Variants in NALF1 observed in about 807,000 individuals in gnomAD.
NALF1 encodes family with sequence similarity 155 member A.
In NALF1, 3 loss-of-function variants were observed where a neutral mutation model predicts 48.4. The ratio of observed to expected loss-of-function variants is 0.06; its 90% CI spans 0.03 to 0.16. NALF1 has a LOEUF of 0.16. Among genes scored for constraint, NALF1 ranks in the 10% least tolerant of loss-of-function variants. The pLI is 1.00. For missense variants in NALF1, 526 were observed against 571.5 expected (o/e 0.92, Z 0.81); for synonymous variants, 262 against 245.7 (o/e 1.07, Z -0.62).
intron 1 of NALF1, among the ~76,000 whole-genome samples, chr13:107,353,006 G>A (rs1411439690): frequency 6.6e-6 from 1 of 152,002 alleles, no homozygotes; most frequent in East Asian, 1.9e-4. Flanking sequence ...GAGACTTCCT[G>A]GGGAACTTAC....
At chr13:107,521,940 CAT>C (rs1190738257) in intron 1 of NALF1, among the ~76,000 whole-genome samples, 138 of 148,800 alleles carry the variant, frequency 9.3e-4, no homozygotes, top group Non-Finnish European at 1.6e-3. Flanking sequence ...CACACACACA[CAT>C]ACACACACAC....
At chr13:107,262,769 G>GCGCGCTCTCT (rs36027059) in intron 1 of NALF1, among the ~76,000 whole-genome samples, 2 of 144,036 alleles carry the variant, frequency 1.4e-5, no homozygotes, top group Admixed American at 7.0e-5. Context: ...ACCCACAGGC[G>GCGCGCTCTCT]CTCTCTCTCT....
rs1885203262 is a variant in NALF1 at position 107,478,240 on chromosome 13, C to A, written c.916-267485G>T. 1.3e-5 allele frequency among the ~76,000 whole-genome samples: 2 copies of A among 152,244 alleles called. 1 individual carries two copies. On this transcript the variant is annotated intron_variant, in intron 1 of 2. Coordinates refer to ENST00000375915, the MANE Select transcript of NALF1 (RefSeq NM_001080396.3). ...CTCATTTTCTCACATAAGAAATGTG[C>A]ATTTTTGATGTGAACAGAGTATTTG...
intron 1 of NALF1, among the ~76,000 whole-genome samples, chr13:107,408,685 C>T (rs566885057): frequency 6.6e-6 from 1 of 152,210 alleles, no homozygotes; most frequent in South Asian, 2.1e-4. Context: ...AAGTCATGAT[C>T]AGATTGGCTT....
chr13:107,350,455 C>T (rs576537472), intron 1 of NALF1, among the ~76,000 whole-genome samples: 3 of 152,164 alleles, frequency 2.0e-5, no homozygotes, highest in African/African-American at 7.2e-5. Context: ...GCAATAAACC[C>T]GTTGCTAGTC....
intron 1 of NALF1, among the ~76,000 whole-genome samples, chr13:107,552,493 G>A (rs1432560063): frequency 6.6e-6 from 1 of 152,054 alleles, no homozygotes; most frequent in African/African-American, 2.4e-5. Context: ...GATTTTAAAT[G>A]TTACTCCAAA....
intron 1 of NALF1, among the ~76,000 whole-genome samples, chr13:107,818,535 G>T (rs1879243761): frequency 6.6e-6 from 1 of 152,166 alleles, no homozygotes; most frequent in South Asian, 2.1e-4. Flanking sequence ...TTGTAGAGTT[G>T]GAGTTGCCTG....
intron 1 of NALF1, among the ~76,000 whole-genome samples, chr13:107,616,761 A>C (rs1173102233): frequency 1.3e-5 from 2 of 152,164 alleles, no homozygotes; most frequent in African/African-American, 2.4e-5. Context: ...GTCAGTCCCC[A>C]TGCAGCCCAG....
chr13:107,483,026 T>C (rs986167639), intron 1 of NALF1, among the ~76,000 whole-genome samples: 25 of 152,116 alleles, frequency 1.6e-4, no homozygotes, highest in Non-Finnish European at 3.1e-4. Context: ...TTAGGGGTGT[T>C]GGAGTTTTAC....
At position 107,366,260 on chromosome 13, in the gene NALF1, C is replaced by CA. The variant is rs376797228; in HGVS notation, c.916-155506dup. On this transcript the variant is annotated intron_variant, in intron 1 of 2. Transcript: ENST00000375915. ...TGCGTACTATGCCATAATCTTAATA[C>CA]AAAAAAAATAGGTTATGCATTGAGA... is the stretch of plus-strand genomic sequence containing the variant. Among the ~76,000 whole-genome samples, 36 of 151,624 alleles carry CA rather than the reference C, an allele frequency of 2.4e-4. No individual in the cohort carries two copies. The East Asian group carries it at 4.1e-3, about 17-fold the overall frequency.
chr13:107,757,303 G>A (rs926710293), intron 1 of NALF1, among the ~76,000 whole-genome samples: 1 of 152,134 alleles, frequency 6.6e-6, no homozygotes, highest in Non-Finnish European at 1.5e-5. Flanking sequence ...CGGAGAGGGG[G>A]AGATTTGTGG....
At chr13:107,862,597 T>C (rs967708349) in intron 1 of NALF1, among the ~76,000 whole-genome samples, 7 of 152,030 alleles carry the variant, frequency 4.6e-5, no homozygotes, top group African/African-American at 1.7e-4. Context: ...AATGCATATA[T>C]TTACATTTAT....
intron 1 of NALF1, among the ~76,000 whole-genome samples, chr13:107,517,420 GGAGATCGAGACCATCCT>G (rs1282902829): frequency 6.6e-6 from 1 of 151,492 alleles, no homozygotes; most frequent in Non-Finnish European, 1.5e-5. Context: ...CACAAGATCA[GGAGATCGAGACCATCCT>G]GGCTAACATG....
At chr13:107,768,141 C>T (rs1332089213) in intron 1 of NALF1, among the ~76,000 whole-genome samples, 1 of 152,098 alleles carries the variant, frequency 6.6e-6, no homozygotes, top group Non-Finnish European at 1.5e-5. Context: ...AAAATGGAAT[C>T]CATGATACTT....
intron 1 of NALF1, among the ~76,000 whole-genome samples, chr13:107,493,074 A>C (rs1420374553): frequency 6.6e-6 from 1 of 152,166 alleles, no homozygotes; most frequent in Non-Finnish European, 1.5e-5. Context: ...CCATTATTAC[A>C]GCTTGATGGC....
At chr13:107,742,216 G>A (rs1010454970) in intron 1 of NALF1, among the ~76,000 whole-genome samples, 2 of 152,072 alleles carry the variant, frequency 1.3e-5, no homozygotes, top group Non-Finnish European at 2.9e-5. Context: ...CTACCACCCC[G>A]GCTATTCATG....
At chr13:107,464,655 G>C (rs945045720) in intron 1 of NALF1, among the ~76,000 whole-genome samples, 2 of 152,004 alleles carry the variant, frequency 1.3e-5, no homozygotes, top group Non-Finnish European at 2.9e-5. Flanking sequence ...CAAGTAGCTG[G>C]GATTACAGGC....
chr13:107,411,033 A>T (rs1349856831), intron 1 of NALF1, among the ~76,000 whole-genome samples: 3 of 152,124 alleles, frequency 2.0e-5, no homozygotes, highest in Non-Finnish European at 4.4e-5. Context: ...CTGGTCATCC[A>T]ATTTGTTTAG....
intron 2 of NALF1, among the ~76,000 whole-genome samples, chr13:107,173,079 T>A (rs1389152076): frequency 6.6e-6 from 1 of 152,130 alleles, no homozygotes; most frequent in African/African-American, 2.4e-5. Context: ...ACAAAAAAAA[T>A]CCTCCACCTC....
Sources: gnomAD v4.1 joint callset for allele counts (sites outside exome capture counted in the v4.1 genomes callset) on GRCh38, gnomAD v4.1.1 for gene constraint, MANE v1.5 for transcripts, NCBI Gene and HGNC (gene_info 2026-07-23, HGNC 2026-07-21) for gene names.